The following ABHD17C variants were observed in gnomAD, a reference collection of about 807,000 sequenced individuals.
ABHD17C encodes the protein abhydrolase domain containing 17C, depalmitoylase.
A neutral mutation model predicts 27.9 loss-of-function variants in ABHD17C; 11 were observed. The ratio of observed to expected loss-of-function variants is 0.39; its 90% confidence interval spans 0.25 to 0.65. ABHD17C has a LOEUF of 0.65. Among genes scored for constraint, ABHD17C ranks in the 30% least tolerant of loss-of-function variants. The pLI is 0.45. For synonymous variants in ABHD17C, 233 were observed against 209.1 expected, an observed-to-expected ratio of 1.11 and a Z score of -0.98; for missense variants, 280 against 470.2, an observed-to-expected ratio of 0.60 and a Z score of 3.74.
At chr15:80,697,229 G>A (rs1894507510) in intron 1 of ABHD17C, among the ~76,000 whole-genome samples, 1 of 152,172 alleles carries the variant, frequency 6.6e-6, no homozygotes, top group Non-Finnish European at 1.5e-5. Flanking sequence ...AAGTCCTGAA[G>A]GGGATGCCCT....
intron 1 of ABHD17C, among the ~76,000 whole-genome samples, chr15:80,730,840 T>A (rs1003512624): frequency 6.6e-6 from 1 of 152,198 alleles, no homozygotes; most frequent in Non-Finnish European, 1.5e-5. Context: ...TATGGTGAAA[T>A]GCATAGGATG....
intron 1 of ABHD17C, among the ~76,000 whole-genome samples, chr15:80,731,395 G>C (rs1220508243): frequency 2.0e-5 from 3 of 152,120 alleles, no homozygotes; most frequent in Admixed American, 6.5e-5. Flanking sequence ...CCAAGGAGTC[G>C]TTTTCCTTTG....
At chr15:80,703,853 A>G (rs1238188501) in intron 1 of ABHD17C, among the ~76,000 whole-genome samples, 1 of 152,256 alleles carries the variant, frequency 6.6e-6, no homozygotes, top group Non-Finnish European at 1.5e-5. Context: ...TGGATGCCTG[A>G]GCCTTGGAGA....
intron 1 of ABHD17C, among the ~76,000 whole-genome samples, chr15:80,734,992 C>T (rs943588276): frequency 2.0e-5 from 3 of 152,174 alleles, no homozygotes; most frequent in South Asian, 2.1e-4. Context: ...ATCATCATCT[C>T]GCATGGGACC....
At chr15:80,727,955 A>T (rs1895004200) in intron 1 of ABHD17C, among the ~76,000 whole-genome samples, 1 of 152,010 alleles carries the variant, frequency 6.6e-6, no homozygotes, top group African/African-American at 2.4e-5. Flanking sequence ...GGCTCCGTGG[A>T]GACTTATGGC....
At chr15:80,720,974 C>T (rs562437978) in intron 1 of ABHD17C, among the ~76,000 whole-genome samples, 15 of 151,772 alleles carry the variant, frequency 9.9e-5, no homozygotes, top group East Asian at 1.9e-4. Context: ...GGGCCCTTAC[C>T]GACTGAAGAC....
intron 1 of ABHD17C, among the ~76,000 whole-genome samples, chr15:80,745,354 G>A (rs1000751884): frequency 1.3e-5 from 2 of 151,486 alleles, no homozygotes; most frequent in Non-Finnish European, 2.9e-5. Context: ...GTCACATAAT[G>A]TGTGTTCTGC....
intron 1 of ABHD17C, among the ~76,000 whole-genome samples, chr15:80,708,293 T>TTTTTGTTTTG (rs570879028): frequency 1.3e-5 from 2 of 151,660 alleles, no homozygotes; most frequent in African/African-American, 2.4e-5. Flanking sequence ...CTTCTCTATT[T>TTTTTGTTTTG]TTTTGTTTTG....
intron 1 of ABHD17C, among the ~76,000 whole-genome samples, chr15:80,723,954 G>A (rs1448588101): frequency 6.6e-6 from 1 of 152,142 alleles, no homozygotes; most frequent in Admixed American, 6.5e-5. Flanking sequence ...TGTAATTCCA[G>A]CACTTTGGGA....
intron 1 of ABHD17C, among the ~76,000 whole-genome samples, chr15:80,733,149 G>A (rs749716534): frequency 1.3e-5 from 2 of 152,134 alleles, no homozygotes; most frequent in African/African-American, 4.8e-5. Context: ...ATTGCAGAGC[G>A]TACTCTTCTT....
intron 1 of ABHD17C, among the ~76,000 whole-genome samples, chr15:80,715,290 T>C (rs951773366): frequency 2.6e-5 from 4 of 152,216 alleles, no homozygotes; most frequent in African/African-American, 9.6e-5. Flanking sequence ...CCATTTTTTA[T>C]GTTGATTCTG....
Position 80,754,868 on chromosome 15 carries a change from T to C in ABHD17C, c.*498T>C, listed in dbSNP as rs1225231689. The C allele has an allele frequency of 1.8e-4, 28 of 153,922 alleles. 1 individual carries two copies. The highest frequency in any genetic ancestry group is 1.8e-3 in the Admixed American group (28 of 15,566). The allele number at this position is 153,922 out of a possible 1,614,324, so 9.5% of individuals were successfully genotyped here. A position where few individuals can be genotyped will look rare whatever the true frequency, so the allele number is the denominator to read the frequency against. On this transcript the variant is annotated 3_prime_UTR_variant, in exon 3 of 3. Coordinates refer to ENST00000258884, the MANE Select transcript of ABHD17C (RefSeq NM_021214.2). Reference sequence around the variant, plus strand: ...TATTTTTTGTTAACATGCTGATCTTTCCCGGACAAATGAACTGAAGGGTAA... The same window carrying C: ...TATTTTTTGTTAACATGCTGATCTTCCCCGGACAAATGAACTGAAGGGTAA...
At chr15:80,737,582 C>A (rs1895149357) in intron 1 of ABHD17C, among the ~76,000 whole-genome samples, 1 of 152,194 alleles carries the variant, frequency 6.6e-6, no homozygotes, top group South Asian at 2.1e-4. Flanking sequence ...CTTACATCGT[C>A]ATTGTAAGTG....
intron 2 of ABHD17C, among the ~76,000 whole-genome samples, chr15:80,753,666 G>A (rs931469832): frequency 7.9e-5 from 12 of 152,084 alleles, no homozygotes; most frequent in African/African-American, 2.7e-4. Context: ...TCGGTCTTCC[G>A]AGTAGCTGAG....
intron 1 of ABHD17C, among the ~76,000 whole-genome samples, chr15:80,726,503 T>G (rs1894978862): frequency 4.8e-4 from 3 of 6,206 alleles, no homozygotes; most frequent in South Asian, 0.011. Flanking sequence ...TTTTTCTGGT[T>G]TTTTTTTTTT....
At chr15:80,727,817 T>C (rs980334475) in intron 1 of ABHD17C, among the ~76,000 whole-genome samples, 4 of 152,032 alleles carry the variant, frequency 2.6e-5, no homozygotes, top group Non-Finnish European at 5.9e-5. Context: ...AATGTGAATG[T>C]GGTATTAGGG....
chr15:80,750,293 C>A (rs1895349057), intron 2 of ABHD17C, among the ~76,000 whole-genome samples: 1 of 152,142 alleles, frequency 6.6e-6, no homozygotes, highest in South Asian at 2.1e-4. Flanking sequence ...AACTCACCTG[C>A]CACCCCCTAT....
At chr15:80,722,207 G>A (rs548332712) in intron 1 of ABHD17C, among the ~76,000 whole-genome samples, 148 of 151,568 alleles carry the variant, frequency 9.8e-4, no homozygotes, top group African/African-American at 3.5e-3. Context: ...TCTCTCTGCT[G>A]TTGTAAGTTT....
rs371748282 is a variant in ABHD17C at position 80,749,567 on chromosome 15, C to T, written c.645C>T (p.Val215=). The T allele has an allele frequency of 1.9e-6, 3 of 1,613,932 alleles. No homozygotes were observed. The highest frequency in any genetic ancestry group is 2.5e-6 in the Non-Finnish European group (3 of 1,179,852). Residue 215 remains valine, a synonymous_variant, in exon 2 of 3, where the codon GTC becomes GTT. Coordinates refer to ENST00000258884, the MANE Select transcript of ABHD17C (RefSeq NM_021214.2). ...TCTATGGTCAGAGCATTGGGACTGT[C>T]CCCACGGTAGACTTGGCCTCGAGGT... The part of the protein sequence containing the change: ...IILYGQSIGT[V]PTVDLASRYE...
Sources: gnomAD v4.1 joint callset for allele counts (sites outside exome capture counted in the v4.1 genomes callset) on GRCh38, gnomAD v4.1.1 for gene constraint, MANE v1.5 for transcripts, NCBI Gene and HGNC (gene_info 2026-07-23, HGNC 2026-07-21) for gene names.